The following REEP1 variants were observed in gnomAD, a reference collection of about 807,000 sequenced individuals.
REEP1 encodes receptor accessory protein 1.
Under a neutral mutation model 40.3 loss-of-function variants are expected in REEP1, and 22 were observed. The ratio of observed to expected loss-of-function variants is 0.55; its 90% confidence interval spans 0.39 to 0.78. The LOEUF (loss-of-function observed/expected upper bound fraction) is 0.78. REEP1 is among the 30% of genes least tolerant of loss of function. REEP1 has a pLI of 0.00. For missense variants in REEP1, 280 were observed against 361.1 expected (o/e 0.78, Z 1.82); for synonymous variants, 116 against 139.2 (o/e 0.83, Z 1.17).
intron 1 of REEP1, among the ~76,000 whole-genome samples, chr2:86,332,460 C>CAG (rs1380709181): frequency 6.6e-6 from 1 of 151,800 alleles, no homozygotes. Context: ...CACACACACA[C>CAG]ACACACACAC....
intron 4 of REEP1, among the ~76,000 whole-genome samples, chr2:86,253,258 G>T (rs897819567): frequency 6.6e-6 from 1 of 152,174 alleles, no homozygotes; most frequent in Admixed American, 6.5e-5. Context: ...TCCAGCCTGG[G>T]CAACAGAGCA....
At chr2:86,223,179 C>G (rs1228575076) in intron 7 of REEP1, among the ~76,000 whole-genome samples, 1 of 152,238 alleles carries the variant, frequency 6.6e-6, no homozygotes, top group East Asian at 1.9e-4. Context: ...TCTTCCACAG[C>G]AGGGGAATGG....
intron 1 of REEP1, among the ~76,000 whole-genome samples, chr2:86,288,821 G>T (rs1382332065): frequency 3.3e-5 from 5 of 151,970 alleles, no homozygotes; most frequent in African/African-American, 1.2e-4. Flanking sequence ...GGTGTAAAAT[G>T]GTATCCCATG....
At chr2:86,309,436 T>C (rs1213301105) in intron 1 of REEP1, among the ~76,000 whole-genome samples, 1 of 152,278 alleles carries the variant, frequency 6.6e-6, no homozygotes, top group Non-Finnish European at 1.5e-5. Flanking sequence ...TAAACTGCTC[T>C]TCAATCCACA....
intron 2 of REEP1, among the ~76,000 whole-genome samples, chr2:86,268,486 T>A (rs1405049862): frequency 1.3e-5 from 2 of 152,160 alleles, no homozygotes; most frequent in East Asian, 3.8e-4. Context: ...ATCAAAGATC[T>A]AAATAAATGG....
chr2:86,254,871 T>C, intron 3 of REEP1, 57 bp from the exon 4 acceptor site: 1 of 1,601,252 alleles, frequency 6.2e-7, no homozygotes, highest in Non-Finnish European at 8.5e-7. Context: ...ACTGCCCTTT[T>C]GAAGGATGAG....
At position 86,251,987 on chromosome 2, in the gene REEP1, G is replaced by A. The variant is rs759952241; in HGVS notation, c.387C>T (p.Ala129=). The A allele has an allele frequency of 9.3e-6, 15 of 1,613,712 alleles. No individual in the cohort carries two copies. The highest frequency in any genetic ancestry group is 4.5e-5 in the East Asian group (2 of 44,898). Residue 129 remains alanine (A), a synonymous_variant, in exon 5 of 9, where the codon GCC becomes GCT. Transcript: ENST00000538924. The part of the protein sequence containing the change: ...VHFGKRGLNV[A]ATAAVMAASK... ...AAGCAGCCATCACAGCCGCTGTGGC[G>A]GCCACGTTCAAGCCCCGCTTCCCGA... is the stretch of plus-strand genomic sequence containing the variant.
intron 2 of REEP1, among the ~76,000 whole-genome samples, chr2:86,266,015 A>C (rs1172128829): frequency 6.6e-6 from 1 of 152,242 alleles, no homozygotes; most frequent in Non-Finnish European, 1.5e-5. Context: ...GTATACAATA[A>C]AATACTACAC....
intron 5 of REEP1, among the ~76,000 whole-genome samples, chr2:86,243,857 C>T (rs1031636895): frequency 2.0e-5 from 3 of 152,170 alleles, no homozygotes; most frequent in Admixed American, 6.5e-5. Context: ...TTGATGTGAG[C>T]TAGCACAGTG....
intron 1 of REEP1, among the ~76,000 whole-genome samples, chr2:86,285,216 C>T (rs966777630): frequency 1.3e-5 from 2 of 152,148 alleles, no homozygotes; most frequent in Non-Finnish European, 2.9e-5. Context: ...GCTCTTTCTT[C>T]TGTCTGAATG....
At chr2:86,337,671 C>G, upstream of REEP1, 1 of 1,012,964 alleles carries the variant, frequency 9.9e-7, no homozygotes, top group African/African-American at 1.7e-5. This position sits in a 1 kb window ranked among gnomAD's most constrained non-coding sequence, Gnocchi z 5.8. Context: ...TTGGCGCAGC[C>G]GCGGCACGTT....
chr2:86,328,563 C>T lies in REEP1; in HGVS notation c.32+8916G>A, dbSNP rs192340121. Among the ~76,000 whole-genome samples the T allele has an allele frequency of 4.2e-3, 644 of 152,302 alleles. 10 individuals are homozygous for T. Among genetic ancestry groups the T allele is most frequent in the African/African-American group, 0.015 (620 of 41,562 alleles). On this transcript the variant is annotated intron_variant, in intron 1 of 8. Transcript: ENST00000538924. ...GCGTGGTGGCGGGCACCTGTAGTCC[C>T]GGCTACTCGGGAGGCTGAGGCAGGG...
Position 86,303,211 on chromosome 2 carries a change from T to A in REEP1, c.33-20969A>T, listed in dbSNP as rs974915100. Among the ~76,000 whole-genome samples the A allele has an allele frequency of 1.4e-4, 15 of 109,210 alleles. No homozygotes were observed. The South Asian group carries it at 4.5e-3, about 33-fold the overall frequency. 71.6% of individuals were successfully genotyped at this position (109,210 alleles called of 152,430 possible). On this transcript the variant is annotated intron_variant, in intron 1 of 8. Coordinates refer to ENST00000538924, the MANE Select transcript of REEP1 (RefSeq NM_001371279.1). ...GAGTACACCACGATGCCCGGCTAAT[T>A]GTTTTTTTTTTTTTTTTTTTTTTTG...
chr2:86,314,832 A>T (rs948101032), intron 1 of REEP1, among the ~76,000 whole-genome samples: 1 of 150,512 alleles, frequency 6.6e-6, no homozygotes, highest in Non-Finnish European at 1.5e-5. Flanking sequence ...AGCTGGGACT[A>T]CAGGCATGCG....
intron 7 of REEP1, among the ~76,000 whole-genome samples, chr2:86,222,191 G>C (rs1330370985): frequency 6.6e-6 from 1 of 152,168 alleles, no homozygotes; most frequent in African/African-American, 2.4e-5. Flanking sequence ...ATAATCTCAG[G>C]ACTGAAACCA....
At chr2:86,284,096 C>A (rs1574079985) in intron 1 of REEP1, among the ~76,000 whole-genome samples, 1 of 152,054 alleles carries the variant, frequency 6.6e-6, no homozygotes, top group Admixed American at 6.5e-5. Context: ...GCTGGGGAAG[C>A]CTGCTGGGTT....
At chr2:86,324,204 A>G (rs1376631441) in intron 1 of REEP1, among the ~76,000 whole-genome samples, 1 of 152,228 alleles carries the variant, frequency 6.6e-6, no homozygotes, top group Admixed American at 6.5e-5. Context: ...TAGACTATAA[A>G]AAATGATAAA....
At chr2:86,311,696 T>C (rs1388423002) in intron 1 of REEP1, among the ~76,000 whole-genome samples, 1 of 152,186 alleles carries the variant, frequency 6.6e-6, no homozygotes, top group East Asian at 1.9e-4. Context: ...CCCAACTTGA[T>C]TACATTTGCA....
In REEP1 at chr2:86,262,869, C is replaced by T. The variant is rs146575811; in HGVS notation, c.182+1096G>A. Among the ~76,000 whole-genome samples, 967 of 152,292 alleles carry T rather than the reference C, an allele frequency of 6.3e-3. 9 individuals are homozygous for T. Among genetic ancestry groups the T allele is most frequent in the Non-Finnish European group, 0.011 (752 of 68,026 alleles). On this transcript the variant is annotated intron_variant, in intron 3 of 8. Transcript: ENST00000538924. Reference sequence around the variant, plus strand: ...CAACTCTTTAAATACAAACAGAAATCGATATATTATTTACAGCTTCTTTCG... The same window carrying T: ...CAACTCTTTAAATACAAACAGAAATTGATATATTATTTACAGCTTCTTTCG...
Sources: gnomAD v4.1 joint callset for allele counts (sites outside exome capture counted in the v4.1 genomes callset) on GRCh38, gnomAD v4.1.1 for gene constraint, Gnocchi (gnomAD v3.1) non-coding constraint, MANE v1.5 for transcripts, NCBI Gene and HGNC (gene_info 2026-07-23, HGNC 2026-07-21) for gene names.